The following FOXN3 variants were observed in gnomAD, a reference collection of about 807,000 sequenced individuals.
The protein encoded by FOXN3 is forkhead box protein N3.
A neutral mutation model predicts 38.4 loss-of-function variants in FOXN3; 7 were observed. The observed-to-expected ratio is 0.18, with a 90% CI of 0.10 to 0.34. FOXN3 has a LOEUF of 0.34. Ranked by LOEUF, FOXN3 falls within the 10% of genes least tolerant of loss-of-function variation. FOXN3 has a pLI of 1.00. For missense variants in FOXN3, 456 were observed against 613.4 expected (o/e 0.74, Z 2.71); for synonymous variants, 230 against 242.2 (o/e 0.95, Z 0.47).
intron 1 of FOXN3, among the ~76,000 whole-genome samples, chr14:89,467,553 T>TAAA (rs562271527): frequency 2.8e-5 from 4 of 142,472 alleles, no homozygotes; most frequent in African/African-American, 7.7e-5. Context: ...ACATGCCCTT[T>TAAA]AAAAAAAAAA....
intron 3 of FOXN3, among the ~76,000 whole-genome samples, chr14:89,322,866 C>A (rs1887934396): frequency 6.6e-6 from 1 of 152,094 alleles, no homozygotes; most frequent in African/African-American, 2.4e-5. Flanking sequence ...GGGGACTGTT[C>A]CAAAGCCTAA....
chr14:89,305,000 T>C (rs1887330852), intron 3 of FOXN3, among the ~76,000 whole-genome samples: 1 of 151,838 alleles, frequency 6.6e-6, no homozygotes, highest in Non-Finnish European at 1.5e-5. Flanking sequence ...TCTTCCTTCT[T>C]AATTCTATGT....
intron 2 of FOXN3, among the ~76,000 whole-genome samples, chr14:89,387,253 CTCAA>C (rs575796900): frequency 5.3e-5 from 8 of 152,070 alleles, no homozygotes; most frequent in Non-Finnish European, 1.2e-4. Context: ...AAAATTCTGT[CTCAA>C]TCAATCAATC....
Position 89,412,404 on chromosome 14 carries a change from A to G in FOXN3, c.73T>C (p.Cys25Arg), listed in dbSNP as rs145541922. Reference protein sequence around the residue: ...GISVSSGLSQCYGGSGFSKAL... With the variant: ...GISVSSGLSQRYGGSGFSKAL... ...TTGGAGAAACCGCTGCCCCCGTAAC[A>G]CTGACTCAGTCCACTGGAGACACTA... The change falls in exon 2 of 6, where the codon TGT becomes CGT. Residue 25 changes from cysteine (C) to arginine (R), a missense_variant. By Grantham distance (180) the Cys-to-Arg change is radical. Coordinates refer to ENST00000557258, the MANE Select transcript of FOXN3 (RefSeq NM_005197.4). This position sits in a 1 kb window ranked among gnomAD's most constrained non-coding sequence, Gnocchi z 4.7. 90 of 1,614,050 alleles carry G rather than the reference A, an allele frequency of 5.6e-5. No individual in the cohort carries two copies. Among genetic ancestry groups the G allele is most frequent in the Non-Finnish European group, 6.8e-5 (80 of 1,180,034 alleles).
chr14:89,476,837 ATCT>A (rs1315059356), intron 1 of FOXN3, among the ~76,000 whole-genome samples: 2 of 152,134 alleles, frequency 1.3e-5, no homozygotes, highest in Non-Finnish European at 2.9e-5. Flanking sequence ...ACACGTGATA[ATCT>A]TCTTTTTCAT....
chr14:89,322,713 G>A (rs1343033331), intron 3 of FOXN3, among the ~76,000 whole-genome samples: 2 of 152,124 alleles, frequency 1.3e-5, no homozygotes, highest in East Asian at 1.9e-4. Flanking sequence ...CTGAATACTC[G>A]CTGAGTACTA....
intron 1 of FOXN3, among the ~76,000 whole-genome samples, chr14:89,414,050 C>T (rs1232809949): frequency 6.6e-6 from 1 of 151,966 alleles, no homozygotes; most frequent in Non-Finnish European, 1.5e-5. Flanking sequence ...CATGGTAGCT[C>T]ATGCTTATAA....
chr14:89,560,180 T>C (rs945936339), intron 1 of FOXN3, among the ~76,000 whole-genome samples: 2 of 152,094 alleles, frequency 1.3e-5, no homozygotes, highest in African/African-American at 2.4e-5. Context: ...AACCAGATCT[T>C]GTGGGAACTC....
At chr14:89,258,704 CT>C (rs1418569620) in intron 4 of FOXN3, among the ~76,000 whole-genome samples, 1 of 152,178 alleles carries the variant, frequency 6.6e-6, no homozygotes, top group African/African-American at 2.4e-5. Flanking sequence ...TGCGCTTTAC[CT>C]TCAAATGTCT....
chr14:89,592,569 C>T (rs996590052), intron 1 of FOXN3, among the ~76,000 whole-genome samples: 1 of 152,152 alleles, frequency 6.6e-6, no homozygotes, highest in African/African-American at 2.4e-5. Context: ...AGAAACTAGA[C>T]GTTCATTGAG....
chr14:89,204,517 T>A (rs1286887603), intron 4 of FOXN3, among the ~76,000 whole-genome samples: 1 of 152,238 alleles, frequency 6.6e-6, no homozygotes, highest in Non-Finnish European at 1.5e-5. Context: ...GGTATTTTTT[T>A]TAAAAAACTT....
intron 1 of FOXN3, among the ~76,000 whole-genome samples, chr14:89,449,837 G>C (rs1426164057): frequency 6.6e-6 from 1 of 152,172 alleles, no homozygotes; most frequent in African/African-American, 2.4e-5. Flanking sequence ...CTAGGAAGGG[G>C]GAGCTCATGG....
chr14:89,557,972 C>A (rs1417343693), intron 1 of FOXN3, among the ~76,000 whole-genome samples: 1 of 152,178 alleles, frequency 6.6e-6, no homozygotes, highest in Admixed American at 6.5e-5. Flanking sequence ...TGCCACTGCA[C>A]TCCAGCCTAG....
intron 4 of FOXN3, among the ~76,000 whole-genome samples, chr14:89,227,715 C>T (rs558809869): frequency 2.0e-5 from 3 of 152,168 alleles, no homozygotes; most frequent in Non-Finnish European, 4.4e-5. Flanking sequence ...CCTGAGATTA[C>T]CTTACATCAC....
intron 1 of FOXN3, among the ~76,000 whole-genome samples, chr14:89,551,552 T>C (rs1895006298): frequency 6.6e-6 from 1 of 152,034 alleles, no homozygotes; most frequent in Admixed American, 6.6e-5. Flanking sequence ...GCTGGTATCT[T>C]TTCCCATGAG....
chr14:89,280,990 C>T lies in FOXN3; in HGVS notation c.705G>A (p.Pro235=), dbSNP rs780891080. 16 of 1,613,638 alleles carry T rather than the reference C, an allele frequency of 9.9e-6. No homozygotes were observed. The highest frequency in any genetic ancestry group is 5.5e-5 in the South Asian group (5 of 90,956). The part of the protein sequence containing the change: ...YQSTSGPPIW[P]GSTFFKRNGA... ...CATTTCTCTTGAAGAAGGTACTGCC[C>T]GGCCAGATGGGTGGACCTGATGTGC... The change falls in exon 4 of 6, where the codon CCG becomes CCA. Residue 235 remains proline (P), a synonymous_variant. Coordinates refer to ENST00000557258, the MANE Select transcript of FOXN3 (RefSeq NM_005197.4).
intron 3 of FOXN3, among the ~76,000 whole-genome samples, chr14:89,310,587 C>G (rs190925389): frequency 6.6e-6 from 1 of 152,308 alleles, no homozygotes; most frequent in East Asian, 1.9e-4. Flanking sequence ...CTTCCACTGC[C>G]TTTAACAAAA....
chr14:89,336,100 T>C (rs1888444332), intron 3 of FOXN3, among the ~76,000 whole-genome samples: 1 of 150,994 alleles, frequency 6.6e-6, no homozygotes, highest in South Asian at 2.1e-4. Flanking sequence ...CCACCCTACA[T>C]TCGCTTTTCG....
intron 4 of FOXN3, among the ~76,000 whole-genome samples, chr14:89,220,871 G>A (rs993501421): frequency 6.6e-5 from 10 of 152,108 alleles, no homozygotes; most frequent in Admixed American, 4.6e-4. Context: ...ACAGGCTAAC[G>A]TGATAGAACG....
Sources: allele counts gnomAD v4.1 joint callset (sites outside exome capture counted in the v4.1 genomes callset), GRCh38; gene constraint gnomAD v4.1.1; non-coding constraint Gnocchi (gnomAD v3.1); transcripts MANE v1.5; gene names NCBI Gene and HGNC (gene_info 2026-07-23, HGNC 2026-07-21).